The following PCCA variants were observed in gnomAD, a reference collection of about 807,000 sequenced individuals.
The protein encoded by PCCA is propionyl-CoA carboxylase alpha chain, mitochondrial.
In PCCA, 74 loss-of-function variants were observed where a neutral mutation model predicts 101.3. The observed-to-expected ratio is 0.73, with a 90% CI of 0.61 to 0.89. PCCA has a LOEUF of 0.89. Ranked by LOEUF, PCCA falls within the 40% of genes least tolerant of loss-of-function variation. The pLI is 0.00. For missense variants in PCCA, 891 were observed against 907.0 expected (o/e 0.98, Z 0.23); for synonymous variants, 294 against 313.6 (o/e 0.94, Z 0.66).
At chr13:100,261,972 A>G (rs2062553099) in intron 9 of PCCA, among the ~76,000 whole-genome samples, 2 of 151,906 alleles carry the variant, frequency 1.3e-5, no homozygotes, top group Non-Finnish European at 2.9e-5. Context: ...GACCCTTTAC[A>G]TTTTTCTTTG....
intron 19 of PCCA, among the ~76,000 whole-genome samples, chr13:100,413,220 A>G (rs1053564250): frequency 6.6e-6 from 1 of 152,214 alleles, no homozygotes; most frequent in Non-Finnish European, 1.5e-5. Context: ...AATATAAAGT[A>G]GGTAGGATTA....
chr13:100,286,803 A>G (rs1160652180), intron 12 of PCCA, among the ~76,000 whole-genome samples: 2 of 151,866 alleles, frequency 1.3e-5, no homozygotes, highest in Non-Finnish European at 2.9e-5. Flanking sequence ...TGAAAACATA[A>G]CAGATATGAT....
At chr13:100,094,948 C>T (rs1322591362) in intron 1 of PCCA, among the ~76,000 whole-genome samples, 1 of 152,178 alleles carries the variant, frequency 6.6e-6, no homozygotes, top group Admixed American at 6.5e-5. Flanking sequence ...TACAAATGAC[C>T]ATGGACCTGG....
chr13:100,178,175 A>G (rs1180815530), intron 6 of PCCA, among the ~76,000 whole-genome samples: 1 of 152,194 alleles, frequency 6.6e-6, no homozygotes, highest in Non-Finnish European at 1.5e-5. Flanking sequence ...GATTCAGGAA[A>G]TCTACCCTGT....
At chr13:100,220,706 T>TC (rs2059771477) in intron 7 of PCCA, among the ~76,000 whole-genome samples, 1 of 152,202 alleles carries the variant, frequency 6.6e-6, no homozygotes, top group Non-Finnish European at 1.5e-5. Context: ...CTATCCTTGG[T>TC]GAAATGATGC....
chr13:100,426,875 C>T (rs1304375285), intron 20 of PCCA, among the ~76,000 whole-genome samples: 1 of 151,952 alleles, frequency 6.6e-6, no homozygotes, highest in Admixed American at 6.6e-5. Flanking sequence ...AAAAAAATAT[C>T]ACTACATAAT....
At chr13:100,284,018 T>G (rs2064364013) in intron 12 of PCCA, among the ~76,000 whole-genome samples, 1 of 152,102 alleles carries the variant, frequency 6.6e-6, no homozygotes, top group African/African-American at 2.4e-5. Flanking sequence ...GTCATCACCC[T>G]CACTGAGCCC....
chr13:100,146,303 G>A (rs2052556695), intron 4 of PCCA, among the ~76,000 whole-genome samples: 1 of 151,736 alleles, frequency 6.6e-6, no homozygotes, highest in African/African-American at 2.4e-5. Context: ...GTGGCTGGGC[G>A]CGGTGGCTCA....
At chr13:100,474,682 T>A (rs968879833) in intron 21 of PCCA, among the ~76,000 whole-genome samples, 11 of 152,078 alleles carry the variant, frequency 7.2e-5, no homozygotes, top group Non-Finnish European at 1.5e-4. Context: ...AGAGAAGGGA[T>A]TTTACCACGT....
At position 100,524,983 on chromosome 13, in the gene PCCA, GGATAGATAGATAGATAGATA is replaced by G. The variant is rs201979758; in HGVS notation, c.2041-2665_2041-2646del. On this transcript the variant is annotated intron_variant, in intron 22 of 23. Transcript: ENST00000376285. The stretch of plus-strand genomic sequence containing the variant: ...TAGACCGAGATTCTGTCTCTAAGAT[GGATAGATAGATAGATAGATA>G]GATAGATAGATAGATAGATAGATAG... 8.6e-4 allele frequency among the ~76,000 whole-genome samples: 118 copies of G among 137,276 alleles called. 2 individuals are homozygous for G. Among genetic ancestry groups the G allele is most frequent in the African/African-American group, 2.6e-3 (101 of 38,262 alleles). 90.1% of individuals were successfully genotyped at this position (137,276 alleles called of 152,430 possible). A position where few individuals can be genotyped will look rare whatever the true frequency, so the allele number is the denominator to read the frequency against.
At chr13:100,262,212 T>G (rs1225034031) in intron 9 of PCCA, among the ~76,000 whole-genome samples, 2 of 151,942 alleles carry the variant, frequency 1.3e-5, no homozygotes, top group Non-Finnish European at 2.9e-5. Context: ...GGCCAACGTG[T>G]TGAAACCCTG....
At chr13:100,439,793 C>T (rs1367726716) in intron 20 of PCCA, among the ~76,000 whole-genome samples, 1 of 152,100 alleles carries the variant, frequency 6.6e-6, no homozygotes, top group East Asian at 1.9e-4. Context: ...AGGTTGCCTT[C>T]AGGCCTGAGG....
At chr13:100,406,054 T>C (rs1380548123) in intron 19 of PCCA, among the ~76,000 whole-genome samples, 1 of 151,972 alleles carries the variant, frequency 6.6e-6, no homozygotes, top group Non-Finnish European at 1.5e-5. Flanking sequence ...CATGAGCCAC[T>C]GCGCCCCACC....
intron 19 of PCCA, among the ~76,000 whole-genome samples, chr13:100,393,319 G>A (rs1428022246): frequency 1.3e-5 from 2 of 151,800 alleles, no homozygotes; most frequent in African/African-American, 4.8e-5. Flanking sequence ...CCACTTTAAA[G>A]GCCAAAAAAT....
intron 9 of PCCA, 100 bp from the exon 10 acceptor site, chr13:100,262,629 A>G: frequency 1.4e-6 from 1 of 725,274 alleles, no homozygotes. Flanking sequence ...TTATAATGAT[A>G]GCTCTATTTG....
chr13:100,110,793 T>C (rs757599473), intron 2 of PCCA, among the ~76,000 whole-genome samples: 19 of 151,888 alleles, frequency 1.3e-4, no homozygotes, highest in Non-Finnish European at 2.2e-4. Flanking sequence ...TTGGCCAAAG[T>C]GTTTTTTTTG....
rs146843699 is a variant in PCCA, at chr13:100,345,873, A to G, written c.1643+5614A>G. Among the ~76,000 whole-genome samples the G allele has an allele frequency of 1.0e-3, 152 of 152,172 alleles. 4 individuals carry two copies. The South Asian group carries it at 0.028, about 28-fold the overall frequency. On this transcript the variant is annotated intron_variant, in intron 18 of 23. Transcript: ENST00000376285. ...GGTCTTTAAGAATTATACTAAATCT[A>G]TTCTCCCTGTGCTCTAGAAATGGAA...
intron 1 of PCCA, among the ~76,000 whole-genome samples, chr13:100,098,652 G>A (rs1277415453): frequency 6.6e-6 from 1 of 152,196 alleles, no homozygotes; most frequent in Non-Finnish European, 1.5e-5. Flanking sequence ...TGCTACAGCG[G>A]GATGGGGAAG....
In PCCA at chr13:100,280,752, TTAGAAA is replaced by T. The variant is rs112388333; in HGVS notation, c.1065+7409_1065+7414del. 4.4e-3 allele frequency among the ~76,000 whole-genome samples: 672 copies of T among 152,262 alleles called. 10 individuals are homozygous for T. Among genetic ancestry groups the T allele is most frequent in the African/African-American group, 0.016 (647 of 41,542 alleles). ...TTTCAAATATATTAAATGGAAAACTTTAGAAATAAACAATTCATAAGTGTTAGATTG... is the reference window on the plus strand; with the variant it reads ...TTTCAAATATATTAAATGGAAAACTTTAAACAATTCATAAGTGTTAGATTG... On this transcript the variant is annotated intron_variant, in intron 12 of 23. Coordinates refer to ENST00000376285, the MANE Select transcript of PCCA (RefSeq NM_000282.4).
Sources: gnomAD v4.1 joint callset for allele counts (sites outside exome capture counted in the v4.1 genomes callset) on GRCh38, gnomAD v4.1.1 for gene constraint, MANE v1.5 for transcripts, NCBI Gene and HGNC (gene_info 2026-07-23, HGNC 2026-07-21) for gene names.